The following RBM19 variants were observed in gnomAD, a reference collection of about 807,000 sequenced individuals.
RBM19 encodes probable RNA-binding protein 19.
RBM19 carries 94 observed loss-of-function variants against 116.8 expected under a neutral mutation model. That is an observed-to-expected ratio of 0.80 (90% CI 0.68 to 0.95). RBM19 has a LOEUF of 0.95. Ranked by LOEUF, RBM19 falls within the 40% of genes least tolerant of loss-of-function variation. The pLI, the probability that RBM19 is intolerant of heterozygous loss-of-function variation, is 0.00. For missense variants in RBM19, 1,161 were observed against 1,220.7 expected, an observed-to-expected ratio of 0.95 and a Z score of 0.73; for synonymous variants, 475 against 494.1, an observed-to-expected ratio of 0.96 and a Z score of 0.51.
intron 6 of RBM19, among the ~76,000 whole-genome samples, chr12:113,955,798 G>A (rs187402571): frequency 3.3e-5 from 5 of 152,314 alleles, no homozygotes; most frequent in Non-Finnish European, 5.9e-5. Context: ...TTCACGCAGC[G>A]CAAGCAGTCT....
rs1871127280 is a variant in RBM19, at chr12:113,947,466, T to C, written c.1277-2A>G. ...GGTAGTGGAGCTCAGACAGGGGACCTGAGGACAGGAGAAGTGTCGGTCTCT... is the reference window on the plus strand; with the variant it reads ...GGTAGTGGAGCTCAGACAGGGGACCCGAGGACAGGAGAAGTGTCGGTCTCT... On this transcript the variant is annotated splice_acceptor_variant, in intron 10 of 23. Coordinates refer to ENST00000261741, the MANE Select transcript of RBM19 (RefSeq NM_016196.4). LOFTEE classifies it high-confidence loss of function. The C allele has an allele frequency of 1.3e-6, 2 of 1,595,206 alleles. No individual in the cohort carries two copies. Among genetic ancestry groups the C allele is most frequent in the Non-Finnish European group, 1.7e-6 (2 of 1,164,980 alleles).
chr12:113,853,789 T>C (rs904009982), intron 22 of RBM19, among the ~76,000 whole-genome samples: 5 of 152,152 alleles, frequency 3.3e-5, no homozygotes, highest in African/African-American at 1.2e-4. Flanking sequence ...GGCAGCACGG[T>C]AGAGTGTGCT....
intron 16 of RBM19, among the ~76,000 whole-genome samples, chr12:113,927,709 C>T (rs532579312): frequency 6.6e-6 from 1 of 151,772 alleles, no homozygotes; most frequent in African/African-American, 2.4e-5. Flanking sequence ...AGTCTAAATA[C>T]CCCCTTGAAC....
At chr12:113,958,854 C>T (rs1373604124) in intron 5 of RBM19, among the ~76,000 whole-genome samples, 4 of 152,152 alleles carry the variant, frequency 2.6e-5, no homozygotes, top group Non-Finnish European at 4.4e-5. Flanking sequence ...CTGTAGCATT[C>T]ATCATCCTAT....
At position 113,908,684 on chromosome 12, in the gene RBM19, C is replaced by CCATG. The variant is rs1031686558; in HGVS notation, c.2558+6281_2558+6284dup. Among the ~76,000 whole-genome samples the CCATG allele has an allele frequency of 2.2e-4, 33 of 151,290 alleles. 1 individual carries two copies. The highest frequency in any genetic ancestry group is 1.4e-3 in the Admixed American group (22 of 15,194). ...CCTGCTCTCACCAGACATCCCTGACCCATGGCAGGAGTTCCAGGGCGATAA... is the reference window on the plus strand; with the variant it reads ...CCTGCTCTCACCAGACATCCCTGACCCATGCATGGCAGGAGTTCCAGGGCGATAA... On this transcript the variant is annotated intron_variant, in intron 21 of 23. Coordinates refer to ENST00000261741, the MANE Select transcript of RBM19 (RefSeq NM_016196.4).
At chr12:113,933,133 C>T (rs1869754042) in intron 16 of RBM19, among the ~76,000 whole-genome samples, 1 of 151,938 alleles carries the variant, frequency 6.6e-6, no homozygotes, top group South Asian at 2.1e-4. Flanking sequence ...TGTCCCCCTC[C>T]CTCGAGACTG....
chr12:113,952,079 AG>A (rs1871520358), intron 8 of RBM19, among the ~76,000 whole-genome samples: 1 of 150,770 alleles, frequency 6.6e-6, no homozygotes, highest in Non-Finnish European at 1.5e-5. Flanking sequence ...TCTGAAGCCA[AG>A]GGAGGTGCCT....
intron 13 of RBM19, 102 bp downstream of exon 13, chr12:113,945,726 C>A (rs948294204): frequency 3.1e-6 from 3 of 969,760 alleles, no homozygotes; most frequent in Non-Finnish European, 4.6e-6. Flanking sequence ...AAAGCCCTGG[C>A]GGCCCCAGCC....
At chr12:113,959,770 C>T (rs1282253766) in intron 4 of RBM19, 95 bp downstream of exon 4, 2 of 1,453,532 alleles carry the variant, frequency 1.4e-6, no homozygotes, top group African/African-American at 2.8e-5. Context: ...GGTCTCCTAG[C>T]CTCCACCCTC....
intron 23 of RBM19, among the ~76,000 whole-genome samples, chr12:113,827,773 G>T (rs1302748184): frequency 6.6e-6 from 1 of 151,938 alleles, no homozygotes; most frequent in Non-Finnish European, 1.5e-5. Flanking sequence ...TAGATGCAGG[G>T]TGCTGGGTGG....
chr12:113,855,560 T>A (rs1258579497), intron 22 of RBM19, among the ~76,000 whole-genome samples: 1 of 152,102 alleles, frequency 6.6e-6, no homozygotes, highest in African/African-American at 2.4e-5. Flanking sequence ...TCTGAGTGGG[T>A]CAGGGTTGAA....
chr12:113,882,309 C>T (rs150514446), intron 21 of RBM19, among the ~76,000 whole-genome samples: 1 of 152,296 alleles, frequency 6.6e-6, no homozygotes, highest in Non-Finnish European at 1.5e-5. Context: ...TTGTCCCAAA[C>T]CTGGCCTGTG....
intron 18 of RBM19, among the ~76,000 whole-genome samples, chr12:113,923,175 C>A (rs1212979796): frequency 6.6e-6 from 1 of 152,102 alleles, no homozygotes; most frequent in Non-Finnish European, 1.5e-5. Flanking sequence ...AGGGTGGGCC[C>A]TAAATCCAAT....
In RBM19 at chr12:113,844,658, C is replaced by T; in HGVS notation, c.2785+10G>A. ...CCATGAGTCAGCCCAAAAGACCGTC[C>T]CGCTCCTACCGTGAAAGTGAGCGGC... On this transcript the variant is annotated intron_variant, in intron 23 of 23. Transcript: ENST00000261741. 2 of 1,608,586 alleles carry T rather than the reference C, an allele frequency of 1.2e-6. No individual in the cohort carries two copies. The highest frequency in any genetic ancestry group is 1.7e-6 in the Non-Finnish European group (2 of 1,177,698).
intron 21 of RBM19, among the ~76,000 whole-genome samples, chr12:113,907,880 C>T (rs987705183): frequency 6.6e-6 from 1 of 152,166 alleles, no homozygotes; most frequent in Non-Finnish European, 1.5e-5. Context: ...GCTCTTAACT[C>T]TGCTGCGGAA....
At chr12:113,938,318 CCA>C (rs1870250384) in intron 15 of RBM19, among the ~76,000 whole-genome samples, 2 of 152,060 alleles carry the variant, frequency 1.3e-5, no homozygotes, top group Non-Finnish European at 2.9e-5. Flanking sequence ...AGCTTAGTGG[CCA>C]CAGAGTCCCA....
intron 20 of RBM19, among the ~76,000 whole-genome samples, chr12:113,917,792 C>G (rs114187976): frequency 6.6e-6 from 1 of 152,132 alleles, no homozygotes; most frequent in African/African-American, 2.4e-5. Context: ...GTTGGAGGCA[C>G]GTCGGGTGTA....
chr12:113,872,410 CG>C (rs1565988874), intron 21 of RBM19, among the ~76,000 whole-genome samples: 3 of 146,584 alleles, frequency 2.0e-5, no homozygotes, highest in African/African-American at 7.5e-5. Flanking sequence ...GTCAGCCCTC[CG>C]CCCGGCCAGC....
At chr12:113,926,416 T>A (rs1869076021) in intron 17 of RBM19, among the ~76,000 whole-genome samples, 1 of 152,050 alleles carries the variant, frequency 6.6e-6, no homozygotes, top group Non-Finnish European at 1.5e-5. Context: ...AAGCCCAGAC[T>A]CTAGAAATAA....
Sources: gnomAD v4.1 joint callset for allele counts (sites outside exome capture counted in the v4.1 genomes callset) on GRCh38, gnomAD v4.1.1 for gene constraint, MANE v1.5 for transcripts, NCBI Gene and HGNC (gene_info 2026-07-23, HGNC 2026-07-21) for gene names.